Variants in PRKCQ observed in about 807,000 individuals in gnomAD.
PRKCQ encodes protein kinase C theta type.
A neutral mutation model predicts 91.2 loss-of-function variants in PRKCQ; 41 were observed. The ratio of observed to expected loss-of-function variants is 0.45; its 90% CI spans 0.35 to 0.58. The LOEUF is 0.58. Ranked by LOEUF, PRKCQ falls within the 20% of genes least tolerant of loss-of-function variation. The pLI is 0.00. For missense variants in PRKCQ, 673 were observed against 896.5 expected (o/e 0.75, Z 3.18); for synonymous variants, 307 against 316.9 (o/e 0.97, Z 0.33).
At chr10:6,510,368 G>A (rs1489954940) in intron 3 of PRKCQ, among the ~76,000 whole-genome samples, 1 of 152,102 alleles carries the variant, frequency 6.6e-6, no homozygotes, top group African/African-American at 2.4e-5. Flanking sequence ...AGTAAGCTAA[G>A]TTCATTACAG....
At chr10:6,547,188 C>A (rs1311918544) in intron 1 of PRKCQ, among the ~76,000 whole-genome samples, 3 of 152,058 alleles carry the variant, frequency 2.0e-5, no homozygotes, top group Non-Finnish European at 4.4e-5. Flanking sequence ...ACGTGAAGGA[C>A]CTCTTCAAGG....
intron 1 of PRKCQ, among the ~76,000 whole-genome samples, chr10:6,530,480 A>C (rs1839352673): frequency 6.6e-6 from 1 of 152,250 alleles, no homozygotes; most frequent in Admixed American, 6.5e-5. Flanking sequence ...TTTTATAGAG[A>C]ATACTCTACG....
At chr10:6,496,035 G>A (rs957377107) in intron 7 of PRKCQ, among the ~76,000 whole-genome samples, 1 of 151,916 alleles carries the variant, frequency 6.6e-6, no homozygotes, top group Non-Finnish European at 1.5e-5. Flanking sequence ...GGCCAACATG[G>A]TGAAACCGCA....
chr10:6,412,371 A>G, the PRKCQ span, among the ~76,000 whole-genome samples: 4 of 152,258 alleles, frequency 2.6e-5, no homozygotes, highest in Non-Finnish European at 5.9e-5. Context: ...TCCAATAAAA[A>G]TATCAAAAGG....
intron 4 of PRKCQ, among the ~76,000 whole-genome samples, chr10:6,502,137 A>G (rs1837950098): frequency 6.6e-6 from 1 of 152,236 alleles, no homozygotes; most frequent in Non-Finnish European, 1.5e-5. Flanking sequence ...CTGTTCTGCA[A>G]GGAGTTAAGA....
the PRKCQ span, among the ~76,000 whole-genome samples, chr10:6,409,261 T>G: frequency 6.6e-6 from 1 of 152,306 alleles, no homozygotes; most frequent in South Asian, 2.1e-4. Flanking sequence ...CAGCCAGAAG[T>G]TGAAGTATCT....
intron 13 of PRKCQ, among the ~76,000 whole-genome samples, chr10:6,463,881 G>T (rs771318537): frequency 6.6e-6 from 1 of 152,162 alleles, no homozygotes; most frequent in Non-Finnish European, 1.5e-5. Context: ...GGAAGGAGAA[G>T]CTTTGTTCTC....
At chr10:6,407,324 A>G in the PRKCQ span, among the ~76,000 whole-genome samples, 31,764 of 151,558 alleles carry the variant, frequency 0.21, 3,707 homozygotes, top group Non-Finnish European at 0.26. The surrounding 1 kb of genome is among the most constrained non-coding windows in gnomAD (Gnocchi z 4.0). Context: ...TGGAGGGGGC[A>G]ATATTGGAGC....
chr10:6,555,374 G>C (rs1840371428), intron 1 of PRKCQ, among the ~76,000 whole-genome samples: 1 of 152,092 alleles, frequency 6.6e-6, no homozygotes, highest in African/African-American at 2.4e-5. Context: ...TACATAACAG[G>C]AAAAACCACT....
rs376131261 is a variant in PRKCQ, at chr10:6,533,090, G to A, written c.-9-17946C>T. Among the ~76,000 whole-genome samples the A allele has an allele frequency of 5.9e-5, 9 of 152,258 alleles. No homozygotes were observed. In the East Asian group the frequency reaches 1.5e-3, roughly 26 times the overall value. On this transcript the variant is annotated intron_variant, in intron 1 of 17. Coordinates refer to ENST00000263125, the MANE Select transcript of PRKCQ (RefSeq NM_006257.5). ...CAGAGAATTCCCACTTAACCCCTGT[G>A]CCTACAGATGCAGAGCTCCTCCCAT...
intron 4 of PRKCQ, among the ~76,000 whole-genome samples, chr10:6,500,152 A>C (rs945290915): frequency 1.3e-5 from 2 of 152,212 alleles, no homozygotes; most frequent in African/African-American, 4.8e-5. Context: ...TCACTGAGTT[A>C]ATCACCTTCT....
chr10:6,569,421 C>T (rs1840951549), intron 1 of PRKCQ, among the ~76,000 whole-genome samples: 1 of 151,852 alleles, frequency 6.6e-6, no homozygotes, highest in South Asian at 2.1e-4. Context: ...CTTGGAGGAA[C>T]CCGATGTGAG....
chr10:6,465,498 T>C lies in PRKCQ; in HGVS notation c.1354-1094A>G, dbSNP rs1005497467. Among the ~76,000 whole-genome samples the C allele has an allele frequency of 4.6e-5, 7 of 152,212 alleles. No homozygotes were observed. The highest frequency in any genetic ancestry group is 1.7e-4 in the African/African-American group (7 of 41,452). Reference sequence around the variant, plus strand: ...TTTCCAATAAATGTATTTATAACACTTTAGAGAAACCTGATTTTTTAAAGG... The same window carrying C: ...TTTCCAATAAATGTATTTATAACACCTTAGAGAAACCTGATTTTTTAAAGG... On this transcript the variant is annotated intron_variant, in intron 12 of 17. Coordinates refer to ENST00000263125, the MANE Select transcript of PRKCQ (RefSeq NM_006257.5). This position sits in a 1 kb window ranked among gnomAD's most constrained non-coding sequence, Gnocchi z 4.4.
chr10:6,492,556 A>G (rs1221114433), intron 7 of PRKCQ, among the ~76,000 whole-genome samples: 1 of 152,240 alleles, frequency 6.6e-6, no homozygotes, highest in Non-Finnish European at 1.5e-5. Flanking sequence ...TGGGATATCT[A>G]TAAGCTTGGC....
In PRKCQ at chr10:6,576,920, A is replaced by C. The variant is rs1841259003; in HGVS notation, c.-10+3291T>G. On this transcript the variant is annotated intron_variant, in intron 1 of 17. Coordinates refer to ENST00000263125, the MANE Select transcript of PRKCQ (RefSeq NM_006257.5). The surrounding 1 kb of genome is among the most constrained non-coding windows in gnomAD (Gnocchi z 4.2). The stretch of plus-strand genomic sequence containing the variant: ...AATAATAATAATATCTAATTTATAA[A>C]GGCTTTTGGAGGTTAAATGAAGCAG... Among the ~76,000 whole-genome samples the C allele has an allele frequency of 6.6e-6, 1 of 152,164 alleles. No individual in the cohort carries two copies. Among genetic ancestry groups the C allele is most frequent in the Admixed American group, 6.5e-5 (1 of 15,282 alleles).
intron 10 of PRKCQ, among the ~76,000 whole-genome samples, 198 bp from the exon 11 acceptor site, chr10:6,483,798 G>C (rs1316588892): frequency 6.6e-6 from 1 of 152,166 alleles, no homozygotes. Context: ...CCCTGTCTGT[G>C]AGCCTGGCAT....
chr10:6,537,649 G>A lies in PRKCQ; in HGVS notation c.-9-22505C>T, dbSNP rs183378313. On this transcript the variant is annotated intron_variant, in intron 1 of 17. Transcript: ENST00000263125. ...GGCAACTGGCTGAGTTGGTTATGGTGAGATCTTCGTCAGGAGACCTTTGGC... is the reference window on the plus strand; with the variant it reads ...GGCAACTGGCTGAGTTGGTTATGGTAAGATCTTCGTCAGGAGACCTTTGGC... 6.6e-5 allele frequency among the ~76,000 whole-genome samples: 10 copies of A among 152,336 alleles called. No homozygotes were observed. In the East Asian group the frequency reaches 1.4e-3, roughly 21 times the overall value.
Position 6,478,266 on chromosome 10 carries a change from TAGA to T in PRKCQ, c.1353+723_1353+725del, listed in dbSNP as rs567573749. On this transcript the variant is annotated intron_variant, in intron 12 of 17. Coordinates refer to ENST00000263125, the MANE Select transcript of PRKCQ (RefSeq NM_006257.5). ...AGAAGTCCACTGCAGAGAGAATCTA[TAGA>T]AGGAGAAACTTCAAAGTATTAATGG... Among the ~76,000 whole-genome samples the T allele has an allele frequency of 2.1e-4, 32 of 152,314 alleles. No homozygotes were observed. The East Asian group carries it at 5.6e-3, about 27-fold the overall frequency.
chr10:6,491,826 A>G lies in PRKCQ; in HGVS notation c.661-14T>C. On this transcript the variant is annotated splice_polypyrimidine_tract_variant and intron_variant, in intron 7 of 17. Transcript: ENST00000263125. ...CTCCTTGTGGAACTGAAAGAAAGGC[A>G]GAAGGTGAAATCTGTGTATTCCTGG... 6.2e-7 allele frequency: 1 copy of G among 1,614,194 alleles called. No individual in the cohort carries two copies. The highest frequency in any genetic ancestry group is 8.5e-7 in the Non-Finnish European group (1 of 1,180,004).
Sources: allele counts gnomAD v4.1 joint callset (sites outside exome capture counted in the v4.1 genomes callset), GRCh38; gene constraint gnomAD v4.1.1; non-coding constraint Gnocchi (gnomAD v3.1); transcripts MANE v1.5; gene names NCBI Gene and HGNC (gene_info 2026-07-23, HGNC 2026-07-21).